The following UBE2O variants were observed in gnomAD, a reference collection of about 807,000 sequenced individuals.
UBE2O encodes ubiquitin conjugating enzyme E2 O, also known as (E3-independent) E2 ubiquitin-conjugating enzyme.
UBE2O carries 15 observed loss-of-function variants against 125.8 expected under a neutral mutation model. The ratio of observed to expected loss-of-function variants is 0.12; its 90% CI spans 0.08 to 0.18. The LOEUF is 0.18. Among genes scored for constraint, UBE2O ranks in the 10% least tolerant of loss-of-function variants. UBE2O has a pLI of 1.00. For synonymous variants in UBE2O, 708 were observed against 703.2 expected (o/e 1.01, Z -0.11); for missense variants, 1,280 against 1,723.6 (o/e 0.74, Z 4.56).
At chr17:76,418,321 T>C (rs1364977573) in intron 1 of UBE2O, among the ~76,000 whole-genome samples, 2 of 152,172 alleles carry the variant, frequency 1.3e-5, no homozygotes, top group Non-Finnish European at 2.9e-5. Flanking sequence ...AGGTACACAA[T>C]TCCTGAAAGT....
intron 13 of UBE2O, among the ~76,000 whole-genome samples, chr17:76,397,216 A>C (rs1386275613): frequency 1.3e-5 from 2 of 152,196 alleles, no homozygotes; most frequent in African/African-American, 4.8e-5. Flanking sequence ...ATATGACAAG[A>C]GGGGACATGT....
chr17:76,452,639 C>T lies in UBE2O; in HGVS notation c.417+86G>A. The T allele has an allele frequency of 4.8e-6, 6 of 1,243,660 alleles. No homozygotes were observed. The highest frequency in any genetic ancestry group is 6.1e-6 in the Non-Finnish European group (6 of 976,516). The allele number at this position is 1,243,660 out of a possible 1,614,324, so 77.0% of individuals were successfully genotyped here. On this transcript the variant is annotated intron_variant, in intron 1 of 17. Transcript: ENST00000319380. This position sits in a 1 kb window ranked among gnomAD's most constrained non-coding sequence, Gnocchi z 4.4. ...GCCACTGCAGTGGCACCGCTCCGGG[C>T]AGGGCCCTGCACGCCGTCCTTCCCT...
chr17:76,404,412 G>A lies in UBE2O; in HGVS notation c.588+794C>T, dbSNP rs1034531803. Among the ~76,000 whole-genome samples, 1 of 152,240 alleles carries A rather than the reference G, an allele frequency of 6.6e-6. No homozygotes were observed. The highest frequency in any genetic ancestry group is 1.5e-5 in the Non-Finnish European group (1 of 68,046). On this transcript the variant is annotated intron_variant, in intron 3 of 17. Coordinates refer to ENST00000319380, the MANE Select transcript of UBE2O (RefSeq NM_022066.4). The surrounding 1 kb of genome is among the most constrained non-coding windows in gnomAD (Gnocchi z 4.3). ...AGGCAACACCAGGAAGACCCAGGCT[G>A]AGGGTCAAATTACTGAATGTATCAC...
chr17:76,405,159 G>A lies in UBE2O; in HGVS notation c.588+47C>T. ...TAGCCCAGAGGTCGTGCCGCCGAGAGAACCAGAGGGCCCAGAAAGGATGAT... is the reference window on the plus strand; with the variant it reads ...TAGCCCAGAGGTCGTGCCGCCGAGAAAACCAGAGGGCCCAGAAAGGATGAT... On this transcript the variant is annotated intron_variant, in intron 3 of 17. Transcript: ENST00000319380. This position sits in a 1 kb window ranked among gnomAD's most constrained non-coding sequence, Gnocchi z 6.1. 1 of 1,448,152 alleles carries A rather than the reference G, an allele frequency of 6.9e-7. No homozygotes were observed. The highest frequency in any genetic ancestry group is 9.5e-7 in the Non-Finnish European group (1 of 1,047,956). The allele number at this position is 1,448,152 out of a possible 1,614,324, so 89.7% of individuals were successfully genotyped here.
intron 1 of UBE2O, among the ~76,000 whole-genome samples, chr17:76,422,669 C>T (rs1006203613): frequency 6.6e-6 from 1 of 152,218 alleles, no homozygotes; most frequent in African/African-American, 2.4e-5. Flanking sequence ...GATAGCTGCA[C>T]CCAAGTTTCT....
At chr17:76,418,849 G>A (rs1221704030) in intron 1 of UBE2O, among the ~76,000 whole-genome samples, 1 of 152,152 alleles carries the variant, frequency 6.6e-6, no homozygotes, top group Non-Finnish European at 1.5e-5. Flanking sequence ...GATTACAGGC[G>A]TGAGCCACCG....
chr17:76,401,914 T>C, intron 5 of UBE2O, 150 bp downstream of exon 5: 1 of 465,004 alleles, frequency 2.2e-6, no homozygotes. Flanking sequence ...ACTTTCTGCC[T>C]ATACCCAAAC....
At chr17:76,403,318 G>A (rs985632427) in intron 3 of UBE2O, among the ~76,000 whole-genome samples, 1 of 152,102 alleles carries the variant, frequency 6.6e-6, no homozygotes, top group Non-Finnish European at 1.5e-5. Context: ...TGCCCAGGCT[G>A]GAGTGCAATG....
chr17:76,413,874 T>G (rs1475799140), intron 1 of UBE2O, among the ~76,000 whole-genome samples: 1 of 152,204 alleles, frequency 6.6e-6, no homozygotes, highest in African/African-American at 2.4e-5. Context: ...GCTCAAACAG[T>G]AAAACCAGGA....
chr17:76,429,923 C>G (rs2072876892), intron 1 of UBE2O, among the ~76,000 whole-genome samples: 1 of 152,178 alleles, frequency 6.6e-6, no homozygotes, highest in Admixed American at 6.5e-5. Flanking sequence ...CACTCGCCAG[C>G]AAAGGGGATT....
chr17:76,438,573 C>T (rs988239432), intron 1 of UBE2O, among the ~76,000 whole-genome samples: 1 of 152,184 alleles, frequency 6.6e-6, no homozygotes, highest in Non-Finnish European at 1.5e-5. Context: ...CTCCAACCAC[C>T]TCACCTTTCT....
intron 1 of UBE2O, among the ~76,000 whole-genome samples, chr17:76,432,369 T>C (rs2072920154): frequency 6.6e-6 from 1 of 152,178 alleles, no homozygotes; most frequent in Non-Finnish European, 1.5e-5. Context: ...AGAAATAGAT[T>C]GTATGGTCTC....
chr17:76,416,260 G>GTGTATATATGTGTGTGTGTGTGTATGTA (rs2072616026), intron 1 of UBE2O, among the ~76,000 whole-genome samples: 1 of 151,760 alleles, frequency 6.6e-6, no homozygotes, highest in African/African-American at 2.4e-5. Flanking sequence ...GTATGTATAT[G>GTGTATATATGTGTGTGTGTGTGTATGTA]TATATATATA....
chr17:76,430,633 G>A (rs370887693), intron 1 of UBE2O: 30 of 331,128 alleles, frequency 9.1e-5, no homozygotes, highest in Non-Finnish European at 1.5e-4. Context: ...AAAGCAATTC[G>A]CTTCTTATTG....
rs1170896113 is a variant in UBE2O at position 76,405,596 on chromosome 17, A to G, written c.418-24T>C. 5.7e-6 allele frequency: 9 copies of G among 1,573,500 alleles called. No homozygotes were observed. Among genetic ancestry groups the G allele is most frequent in the Non-Finnish European group, 7.8e-6 (9 of 1,158,864 alleles). On this transcript the variant is annotated intron_variant, in intron 1 of 17. Coordinates refer to ENST00000319380, the MANE Select transcript of UBE2O (RefSeq NM_022066.4). This position sits in a 1 kb window ranked among gnomAD's most constrained non-coding sequence, Gnocchi z 6.1. Reference sequence around the variant, plus strand: ...AGCTGTAAAAGAAAATACAGGTGTGAGAGAATGGACTCTGAAGCCACCACA... The same window carrying G: ...AGCTGTAAAAGAAAATACAGGTGTGGGAGAATGGACTCTGAAGCCACCACA...
rs2073113066 is a variant in UBE2O at position 76,443,853 on chromosome 17, A to C, written c.417+8872T>G. ...TGCACATCTATGGGTAAGAGGAAGA[A>C]GACAAAAGGCAAAAAAGAGAAACAT... On this transcript the variant is annotated intron_variant, in intron 1 of 17. Coordinates refer to ENST00000319380, the MANE Select transcript of UBE2O (RefSeq NM_022066.4). 2.6e-5 allele frequency among the ~76,000 whole-genome samples: 4 copies of C among 152,222 alleles called. No individual in the cohort carries two copies. The South Asian group carries it at 8.3e-4, about 32-fold the overall frequency.
intron 1 of UBE2O, among the ~76,000 whole-genome samples, chr17:76,422,497 G>A (rs1156441962): frequency 6.6e-6 from 1 of 152,204 alleles, no homozygotes; most frequent in Admixed American, 6.5e-5. Flanking sequence ...ACCACTGGGT[G>A]GGCAGACGCT....
chr17:76,398,864 G>T lies in UBE2O; in HGVS notation c.1756C>A (p.Pro586Thr). ...VHHLDNNEFC[P>T]GDFVVDKRVQ... ...CGCTTATCTACCACGAAGTCTCCAG[G>T]GCAGAACTCGTTGTTGTCCAGGTGG... The change falls in exon 10 of 18, where the codon CCT (proline) becomes ACT (threonine). Residue 586 changes from proline to threonine, a missense_variant. Physicochemically the swap from Pro to Thr is conservative, Grantham distance 38 (BLOSUM62 -1). This residue lies in a region of UBE2O where 145 missense variants were observed against 219.6 expected (regional missense o/e 0.66). Coordinates refer to ENST00000319380, the MANE Select transcript of UBE2O (RefSeq NM_022066.4). This position sits in a 1 kb window ranked among gnomAD's most constrained non-coding sequence, Gnocchi z 5.4. 1 of 1,614,096 alleles carries T rather than the reference G, an allele frequency of 6.2e-7. No individual in the cohort carries two copies. The highest frequency in any genetic ancestry group is 8.5e-7 in the Non-Finnish European group (1 of 1,180,000).
chr17:76,416,301 C>A (rs1462616354), intron 1 of UBE2O, among the ~76,000 whole-genome samples: 3 of 152,058 alleles, frequency 2.0e-5, no homozygotes, highest in Non-Finnish European at 4.4e-5. Context: ...AGCCCAGCAT[C>A]TTCCCTGAGC....
Sources: gnomAD v4.1 joint callset for allele counts (sites outside exome capture counted in the v4.1 genomes callset) on GRCh38, gnomAD v4.1.1 for gene constraint, gnomAD v4.1.1 regional missense constraint, Gnocchi (gnomAD v3.1) non-coding constraint, MANE v1.5 for transcripts, NCBI Gene and HGNC (gene_info 2026-07-23, HGNC 2026-07-21) for gene names.